Variants in CYP7B1 observed in about 807,000 individuals in gnomAD.
CYP7B1 encodes cytochrome P450 7B1.
Under a neutral mutation model 42.7 loss-of-function variants are expected in CYP7B1, and 29 were observed. That is an observed-to-expected ratio of 0.68 (90% CI 0.51 to 0.93). The LOEUF (loss-of-function observed/expected upper bound fraction) is 0.93. CYP7B1 is among the 40% of genes least tolerant of loss of function. The pLI is 0.00. For missense variants in CYP7B1, 655 were observed against 600.5 expected (o/e 1.09, Z -0.95); for synonymous variants, 235 against 218.2 (o/e 1.08, Z -0.68).
intron 5 of CYP7B1, among the ~76,000 whole-genome samples, chr8:64,601,729 C>T (rs561612952): frequency 6.6e-6 from 1 of 152,140 alleles, no homozygotes; most frequent in African/African-American, 2.4e-5. Context: ...TTTAAAAATT[C>T]AAACCTTCAC....
chr8:64,759,525 A>T (rs1807855594), intron 1 of CYP7B1, among the ~76,000 whole-genome samples: 1 of 152,244 alleles, frequency 6.6e-6, no homozygotes, highest in Non-Finnish European at 1.5e-5. Context: ...AAAGAAGAGT[A>T]ATATGTCAAA....
At chr8:64,725,344 C>A (rs187261745) in intron 1 of CYP7B1, among the ~76,000 whole-genome samples, 28 of 152,338 alleles carry the variant, frequency 1.8e-4, no homozygotes, top group African/African-American at 6.7e-4. Flanking sequence ...CACACCCTGT[C>A]CACTTCTACA....
At chr8:64,720,604 G>A (rs1585875972) in intron 1 of CYP7B1, among the ~76,000 whole-genome samples, 2 of 152,050 alleles carry the variant, frequency 1.3e-5, no homozygotes, top group Non-Finnish European at 2.9e-5. Context: ...GCCATTAAGA[G>A]GAAATTAAGC....
At chr8:64,602,118 G>A (rs1427190648) in intron 5 of CYP7B1, among the ~76,000 whole-genome samples, 1 of 152,182 alleles carries the variant, frequency 6.6e-6, no homozygotes, top group Non-Finnish European at 1.5e-5. Flanking sequence ...ATACAGAGAT[G>A]GGAATGACAT....
intron 1 of CYP7B1, among the ~76,000 whole-genome samples, chr8:64,770,850 C>T (rs1804210543): frequency 6.6e-6 from 1 of 152,094 alleles, no homozygotes. Flanking sequence ...ATCCCAGTAG[C>T]ATGCAGAGAT....
At chr8:64,644,705 G>T (rs1805921325) in intron 1 of CYP7B1, among the ~76,000 whole-genome samples, 1 of 152,142 alleles carries the variant, frequency 6.6e-6, no homozygotes, top group South Asian at 2.1e-4. Context: ...GATGGCTGAA[G>T]TCTGGGCTAC....
At chr8:64,748,638 T>G (rs777768771) in intron 1 of CYP7B1, among the ~76,000 whole-genome samples, 1 of 152,186 alleles carries the variant, frequency 6.6e-6, no homozygotes, top group African/African-American at 2.4e-5. Context: ...TACCATCCAG[T>G]GAAATGTTAG....
chr8:64,774,059 C>T, intron 1 of CYP7B1, among the ~76,000 whole-genome samples: 1 of 152,156 alleles, frequency 6.6e-6, no homozygotes, highest in East Asian at 1.9e-4. Flanking sequence ...AAGCCTAGTT[C>T]ATCCTTATAC....
Position 64,615,990 on chromosome 8 carries a change from C to A in CYP7B1, c.551G>T (p.Cys184Phe). The stretch of plus-strand genomic sequence containing the variant: ...TGTGATCTCAAATATTATTGAGCTG[C>A]AGAATGGATACAGTTCTGCCGTGTC... ...SWDTAELYPF[C>F]SSIIFEITFT... Residue 184 changes from cysteine (C) to phenylalanine (F), a missense_variant, in exon 3 of 6, where the codon TGC (cysteine) becomes TTC (phenylalanine). Coordinates refer to ENST00000310193, the MANE Select transcript of CYP7B1 (RefSeq NM_004820.5). The A allele has an allele frequency of 6.2e-7, 1 of 1,613,712 alleles. No homozygotes were observed. The highest frequency in any genetic ancestry group is 8.5e-7 in the Non-Finnish European group (1 of 1,179,822).
intron 1 of CYP7B1, among the ~76,000 whole-genome samples, chr8:64,630,777 T>C (rs1704864097): frequency 6.6e-6 from 1 of 152,254 alleles, no homozygotes; most frequent in African/African-American, 2.4e-5. Flanking sequence ...TTTCATTGGA[T>C]GTTTGATAAT....
intron 1 of CYP7B1, among the ~76,000 whole-genome samples, chr8:64,783,541 C>CTTT: frequency 7.0e-6 from 1 of 142,980 alleles, no homozygotes; most frequent in Non-Finnish European, 1.5e-5. Context: ...TTCCATACTA[C>CTTT]TTTTTTTTTT....
At chr8:64,638,205 C>T (rs1805802274) in intron 1 of CYP7B1, among the ~76,000 whole-genome samples, 1 of 151,224 alleles carries the variant, frequency 6.6e-6, no homozygotes, top group Non-Finnish European at 1.5e-5. Context: ...TATGCTTTCT[C>T]TTTTTCATGA....
intron 2 of CYP7B1, among the ~76,000 whole-genome samples, chr8:64,622,754 G>A (rs1041937678): frequency 3.3e-5 from 5 of 152,346 alleles, no homozygotes; most frequent in Admixed American, 1.3e-4. Flanking sequence ...TCCAGAGGCG[G>A]CAAGAAGAAA....
chr8:64,739,948 T>C (rs1291176990), intron 1 of CYP7B1, among the ~76,000 whole-genome samples: 3 of 152,056 alleles, frequency 2.0e-5, no homozygotes, highest in Non-Finnish European at 4.4e-5. Context: ...CTGAAAGAGA[T>C]ATATAGAGAC....
In CYP7B1 at chr8:64,645,871, C is replaced by T. The variant is rs570584771; in HGVS notation, c.123-21332G>A. On this transcript the variant is annotated intron_variant, in intron 1 of 5. Coordinates refer to ENST00000310193, the MANE Select transcript of CYP7B1 (RefSeq NM_004820.5). ...AGAGATATAGATCAATGGAACAGAA[C>T]AGAGCCCTCAGAAATAACGCTGCAT... is the stretch of plus-strand genomic sequence containing the variant. Among the ~76,000 whole-genome samples the T allele has an allele frequency of 3.9e-4, 59 of 152,174 alleles. No individual in the cohort carries two copies. In the East Asian group the frequency reaches 0.011, roughly 29 times the overall value.
chr8:64,706,222 G>C (rs1206082163), intron 1 of CYP7B1, among the ~76,000 whole-genome samples: 1 of 151,950 alleles, frequency 6.6e-6, no homozygotes, highest in East Asian at 1.9e-4. Flanking sequence ...CCTAATGCAA[G>C]GAAATTTTAG....
At position 64,616,136 on chromosome 8, in the gene CYP7B1, A is replaced by G. The variant is rs778930882; in HGVS notation, c.405T>C (p.Asn135=). 5 of 1,613,756 alleles carry G rather than the reference A, an allele frequency of 3.1e-6. No individual in the cohort carries two copies. The Admixed American group carries it at 8.3e-5, about 27-fold the overall frequency. ...ATTGATAGCAGAGGTGAAGCTCATCATTCATGTCATGATTTTTTTGCAACT... is the reference window on the plus strand; with the variant it reads ...ATTGATAGCAGAGGTGAAGCTCATCGTTCATGTCATGATTTTTTTGCAACT... ...ISQLQKNHDM[N]DELHLCYQFL... is the part of the protein sequence containing the mutation. The change falls in exon 3 of 6, where the codon AAT becomes AAC. Residue 135 remains asparagine, a synonymous_variant. Coordinates refer to ENST00000310193, the MANE Select transcript of CYP7B1 (RefSeq NM_004820.5).
intron 1 of CYP7B1, among the ~76,000 whole-genome samples, chr8:64,665,781 G>T (rs1563382487): frequency 1.3e-5 from 2 of 151,720 alleles, no homozygotes; most frequent in Non-Finnish European, 2.9e-5. Context: ...TCTCCATGTT[G>T]GTCCGGCTGG....
At chr8:64,601,983 T>A (rs1387567629) in intron 5 of CYP7B1, among the ~76,000 whole-genome samples, 2 of 152,220 alleles carry the variant, frequency 1.3e-5, no homozygotes, top group East Asian at 1.9e-4. Flanking sequence ...ATGTGCAATA[T>A]CTGTCCTGAT....
Sources: allele counts gnomAD v4.1 joint callset (sites outside exome capture counted in the v4.1 genomes callset), GRCh38; gene constraint gnomAD v4.1.1; transcripts MANE v1.5; gene names NCBI Gene and HGNC (gene_info 2026-07-23, HGNC 2026-07-21).